The following DLGAP2 variants were observed in gnomAD, a reference collection of about 807,000 sequenced individuals.
DLGAP2 encodes the protein disks large-associated protein 2.
DLGAP2 carries 26 observed loss-of-function variants against 100.3 expected under a neutral mutation model. That is an observed-to-expected ratio of 0.26 (90% CI 0.19 to 0.36). DLGAP2 has a LOEUF of 0.36. Ranked by LOEUF, DLGAP2 falls within the 10% of genes least tolerant of loss-of-function variation. DLGAP2 has a pLI of 1.00. For synonymous variants in DLGAP2, 886 were observed against 630.1 expected (o/e 1.41, Z -6.08); for missense variants, 1,858 against 1,453.2 (o/e 1.28, Z -4.53).
At chr8:1,475,490 C>T (rs1441389955) in intron 3 of DLGAP2, among the ~76,000 whole-genome samples, 1 of 152,108 alleles carries the variant, frequency 6.6e-6, no homozygotes, top group Non-Finnish European at 1.5e-5. Flanking sequence ...CGCACCCCAG[C>T]GTTTTGCTTT....
intron 3 of DLGAP2, among the ~76,000 whole-genome samples, chr8:1,265,980 C>A (rs1008836345): frequency 1.3e-5 from 2 of 152,084 alleles, no homozygotes; most frequent in Non-Finnish European, 2.9e-5. Context: ...CTATAAGAAC[C>A]ATCTACTTTA....
At chr8:1,003,559 A>G (rs989558773) in intron 2 of DLGAP2, among the ~76,000 whole-genome samples, 1 of 152,244 alleles carries the variant, frequency 6.6e-6, no homozygotes, top group Non-Finnish European at 1.5e-5. Context: ...AGCAGTGAGC[A>G]TTGGTTGAAG....
At chr8:1,565,114 C>G (rs1468340662) in intron 5 of DLGAP2, among the ~76,000 whole-genome samples, 1 of 152,096 alleles carries the variant, frequency 6.6e-6, no homozygotes, top group East Asian at 1.9e-4. Flanking sequence ...CAGACATATT[C>G]CATGCACAGG....
intron 2 of DLGAP2, among the ~76,000 whole-genome samples, chr8:1,048,273 T>C (rs1802570371): frequency 1.3e-5 from 2 of 152,080 alleles, no homozygotes; most frequent in South Asian, 4.1e-4. Context: ...GGCTGTCGTC[T>C]CCATTTTACA....
At chr8:1,374,034 G>C (rs867941722) in intron 3 of DLGAP2, among the ~76,000 whole-genome samples, 20 of 141,246 alleles carry the variant, frequency 1.4e-4, no homozygotes, top group Admixed American at 3.0e-4. Context: ...CGTTTGCAGA[G>C]GGCTGTGTGG....
At chr8:1,121,157 T>A (rs1796035919) in intron 2 of DLGAP2, among the ~76,000 whole-genome samples, 1 of 147,904 alleles carries the variant, frequency 6.8e-6, no homozygotes, top group African/African-American at 2.5e-5. Context: ...TGACCACCCA[T>A]CCTCATCCAG....
chr8:837,664 A>G (rs945191830), intron 1 of DLGAP2, among the ~76,000 whole-genome samples: 9 of 146,018 alleles, frequency 6.2e-5, no homozygotes, highest in South Asian at 4.3e-4. Flanking sequence ...GTTTGTGTGT[A>G]TGTGTGTGTG....
At chr8:918,140 A>G (rs571241844) in intron 2 of DLGAP2, among the ~76,000 whole-genome samples, 36 of 152,098 alleles carry the variant, frequency 2.4e-4, no homozygotes, top group Non-Finnish European at 3.4e-4. Context: ...CTGGAATCTC[A>G]ACCTCGTCTG....
intron 2 of DLGAP2, among the ~76,000 whole-genome samples, chr8:1,094,756 G>T (rs753955917): frequency 2.6e-5 from 4 of 152,218 alleles, no homozygotes; most frequent in African/African-American, 9.6e-5. Flanking sequence ...GGACCCAGCC[G>T]CAGGTTCTTC....
chr8:795,300 A>G (rs1796000431), intron 1 of DLGAP2, among the ~76,000 whole-genome samples: 1 of 152,070 alleles, frequency 6.6e-6, no homozygotes, highest in African/African-American at 2.4e-5. Flanking sequence ...TCTACTGCTG[A>G]CTCATCAGTG....
chr8:1,442,248 C>T (rs1279381708), intron 3 of DLGAP2, among the ~76,000 whole-genome samples: 1 of 104,596 alleles, frequency 9.6e-6, no homozygotes, highest in Middle Eastern at 5.0e-3. Flanking sequence ...CATAGACCCG[C>T]CAGGCTGCTG....
intron 2 of DLGAP2, among the ~76,000 whole-genome samples, chr8:944,934 G>A (rs899135604): frequency 2.6e-5 from 4 of 152,204 alleles, no homozygotes; most frequent in African/African-American, 9.7e-5. Context: ...GATCCATGTG[G>A]GTGATCTGGT....
intron 3 of DLGAP2, among the ~76,000 whole-genome samples, chr8:1,311,913 A>C (rs1028103201): frequency 6.6e-6 from 1 of 152,236 alleles, no homozygotes; most frequent in Non-Finnish European, 1.5e-5. Context: ...AAAGACTGAT[A>C]CAACTGCCAG....
At chr8:1,323,086 A>G (rs965336312) in intron 3 of DLGAP2, among the ~76,000 whole-genome samples, 2 of 150,816 alleles carry the variant, frequency 1.3e-5, no homozygotes, top group African/African-American at 4.9e-5. Context: ...ACTGGAGTGC[A>G]ATGGCGTGAT....
chr8:1,594,716 G>A (rs576523843), intron 6 of DLGAP2, among the ~76,000 whole-genome samples: 10 of 152,164 alleles, frequency 6.6e-5, no homozygotes, highest in South Asian at 2.1e-4. Context: ...GAGCCACCGC[G>A]CCCGGCCAGG....
intron 2 of DLGAP2, among the ~76,000 whole-genome samples, chr8:1,119,230 A>C (rs1795977602): frequency 6.6e-6 from 1 of 152,238 alleles, no homozygotes; most frequent in Non-Finnish European, 1.5e-5. Flanking sequence ...CGTAAATTTT[A>C]AGTAGGTTTG....
intron 2 of DLGAP2, among the ~76,000 whole-genome samples, chr8:1,166,232 C>A (rs577084599): frequency 1.4e-4 from 22 of 152,302 alleles, no homozygotes; most frequent in African/African-American, 4.6e-4. Flanking sequence ...ATCCTTCTAC[C>A]CTCCTGCTGC....
At chr8:1,600,931 C>A (rs1478127645) in intron 6 of DLGAP2, among the ~76,000 whole-genome samples, 2 of 152,114 alleles carry the variant, frequency 1.3e-5, no homozygotes, top group African/African-American at 4.8e-5. Flanking sequence ...GAGTTGTGAT[C>A]GTTTGGAGGA....
At chr8:945,228 C>A (rs1313409910) in intron 2 of DLGAP2, among the ~76,000 whole-genome samples, 1 of 152,178 alleles carries the variant, frequency 6.6e-6, no homozygotes, top group Non-Finnish European at 1.5e-5. Flanking sequence ...AAGGCACCAG[C>A]AGCTGATGGC....
Sources: allele counts gnomAD v4.1 joint callset (sites outside exome capture counted in the v4.1 genomes callset), GRCh38; gene constraint gnomAD v4.1.1; transcripts MANE v1.5; gene names NCBI Gene and HGNC (gene_info 2026-07-23, HGNC 2026-07-21).